GPNMB: variants seen among roughly 807,000 people sequenced by gnomAD.
The protein encoded by GPNMB is glycoprotein nmb.
In GPNMB, 71 loss-of-function variants were observed where a neutral mutation model predicts 57.3. The observed-to-expected ratio is 1.24, with a 90% CI of 1.02 to 1.51. GPNMB has a LOEUF of 1.51. GPNMB is among the 40% of genes most tolerant of loss of function. GPNMB has a pLI of 0.00. For synonymous variants in GPNMB, 253 were observed against 263.2 expected (o/e 0.96, Z 0.38); for missense variants, 677 against 691.9 (o/e 0.98, Z 0.24).
chr7:23,266,897 T>C (rs951686942), intron 7 of GPNMB, among the ~76,000 whole-genome samples: 1 of 152,158 alleles, frequency 6.6e-6, no homozygotes, highest in East Asian at 1.9e-4. Context: ...AGCCCAGCCA[T>C]CTGAATGGGG....
At chr7:23,269,689 G>A (rs889721575) in intron 8 of GPNMB, among the ~76,000 whole-genome samples, 1 of 152,138 alleles carries the variant, frequency 6.6e-6, no homozygotes, top group African/African-American at 2.4e-5. Flanking sequence ...GCTTCACGTG[G>A]TTTCCATCAG....
chr7:23,260,517 C>T lies in GPNMB; in HGVS notation c.762C>T (p.Thr254=), dbSNP rs544716394. The change falls in exon 6 of 11, where the codon ACC becomes ACT. Residue 254 remains threonine (T), a synonymous_variant. Transcript: ENST00000258733. Reference sequence around the variant, plus strand: ...ACGATCGAAATTCATCCGACGAAACCTTCCTCAAAGATCTCCCCATTATGT... The same window carrying T: ...ACGATCGAAATTCATCCGACGAAACTTTCCTCAAAGATCTCCCCATTATGT... ...QKNDRNSSDE[T]FLKDLPIMFD... is the part of the protein sequence containing the mutation. 4.3e-6 allele frequency: 7 copies of T among 1,613,808 alleles called. 1 individual carries two copies. Among genetic ancestry groups the T allele is most frequent in the Admixed American group, 3.3e-5 (2 of 60,004 alleles).
intron 7 of GPNMB, among the ~76,000 whole-genome samples, chr7:23,267,215 T>G (rs2128484531): frequency 6.6e-6 from 1 of 152,302 alleles, no homozygotes; most frequent in South Asian, 2.1e-4. Context: ...AGGATTACCT[T>G]TTCCTGAAAC....
At chr7:23,255,827 T>A (rs540861885) in intron 3 of GPNMB, among the ~76,000 whole-genome samples, 2 of 152,338 alleles carry the variant, frequency 1.3e-5, no homozygotes, top group Non-Finnish European at 2.9e-5. Context: ...TTTATGGTGA[T>A]CAAATCAGGG....
At chr7:23,249,478 T>C (rs1216855654) in intron 1 of GPNMB, among the ~76,000 whole-genome samples, 1 of 152,230 alleles carries the variant, frequency 6.6e-6, no homozygotes, top group Non-Finnish European at 1.5e-5. Flanking sequence ...ACCCAGTCCC[T>C]GGCAACCACT....
At chr7:23,264,305 T>C (rs1311721858) in intron 6 of GPNMB, among the ~76,000 whole-genome samples, 1 of 152,174 alleles carries the variant, frequency 6.6e-6, no homozygotes, top group Non-Finnish European at 1.5e-5. Context: ...TTCTCTCCAT[T>C]AGCCCTTGAA....
Position 23,253,436 on chromosome 7 carries a change from T to A in GPNMB, c.200T>A (p.Met67Lys). Residue 67 changes from methionine to lysine, a missense_variant, in exon 2 of 11, where the codon ATG (methionine) becomes AAG (lysine). Met to Lys is a moderately conservative substitution (Grantham distance 95). Coordinates refer to ENST00000258733, the MANE Select transcript of GPNMB (RefSeq NM_002510.3). The stretch of plus-strand genomic sequence containing the variant: ...TACCCAGTGTGGAAGCGGGGAGACA[T>A]GAGGTGGAAAAACTCCTGGAAGGGT... ...KLYPVWKRGD[M>K]RWKNSWKGGR... 6.2e-7 allele frequency: 1 copy of A among 1,613,748 alleles called. No individual in the cohort carries two copies. Among genetic ancestry groups the A allele is most frequent in the South Asian group, 1.1e-5 (1 of 90,974 alleles).
chr7:23,270,423 T>C (rs1337778983), intron 9 of GPNMB, among the ~76,000 whole-genome samples: 2 of 152,106 alleles, frequency 1.3e-5, no homozygotes, highest in African/African-American at 4.8e-5. Context: ...AAATCAGCTG[T>C]GATCATGGAC....
At position 23,260,540 on chromosome 7, in the gene GPNMB, T is replaced by C; in HGVS notation, c.785T>C (p.Met262Thr). The C allele has an allele frequency of 6.2e-7, 1 of 1,613,686 alleles. No individual in the cohort carries two copies. Among genetic ancestry groups the C allele is most frequent in the Non-Finnish European group, 8.5e-7 (1 of 1,179,604 alleles). ...ACCTTCCTCAAAGATCTCCCCATTA[T>C]GTTTGATGTCCTGATTCATGATCCT... is the stretch of plus-strand genomic sequence containing the variant. ...DETFLKDLPI[M>T]FDVLIHDPSH... is the part of the protein sequence containing the mutation. Residue 262 changes from methionine to threonine, a missense_variant, in exon 6 of 11, where the codon ATG (methionine) becomes ACG (threonine). Physicochemically the swap from Met to Thr is moderately conservative, Grantham distance 81 (BLOSUM62 -1). Transcript: ENST00000258733.
Position 23,269,954 on chromosome 7 carries a change from T to TC in GPNMB, c.1221-9dup. On this transcript the variant is annotated splice_polypyrimidine_tract_variant and intron_variant, in intron 8 of 10. Coordinates refer to ENST00000258733, the MANE Select transcript of GPNMB (RefSeq NM_002510.3). ...TGTGCCCTGTGCGCCCTCGCCCACC[T>TC]CCCCTGTCGCAGCATTCCCACGGAG... 1 of 1,609,122 alleles carries TC rather than the reference T, an allele frequency of 6.2e-7. No individual in the cohort carries two copies. Among genetic ancestry groups the TC allele is most frequent in the South Asian group, 1.1e-5 (1 of 90,902 alleles).
chr7:23,258,745 G>C (rs1451611439), intron 4 of GPNMB, among the ~76,000 whole-genome samples: 1 of 152,204 alleles, frequency 6.6e-6, no homozygotes, highest in African/African-American at 2.4e-5. Flanking sequence ...TAACCCCTGA[G>C]AGACATCTCT....
intron 3 of GPNMB, among the ~76,000 whole-genome samples, chr7:23,255,755 T>A (rs184585952): frequency 1.3e-5 from 2 of 152,344 alleles, no homozygotes; most frequent in East Asian, 3.9e-4. Context: ...AATTTTTTTA[T>A]TGATACATGA....
At chr7:23,253,189 T>C (rs1881203) in intron 1 of GPNMB, 118 bp from the exon 2 acceptor site, 274,987 of 772,712 alleles carry the variant, frequency 0.36, 50,898 homozygotes, top group African/African-American at 0.41. Flanking sequence ...CTCTGTTTAC[T>C]TGATGCACTG....
At chr7:23,264,761 T>C (rs1783018566) in intron 6 of GPNMB, among the ~76,000 whole-genome samples, 2 of 152,232 alleles carry the variant, frequency 1.3e-5, no homozygotes, top group African/African-American at 4.8e-5. Context: ...ATAAGCTTTA[T>C]TTCATTTTTA....
rs1447040195 is a variant in GPNMB at position 23,254,182 on chromosome 7, G to A, written c.237G>A (p.Gln79=). The part of the protein sequence containing the change: ...WKNSWKGGRV[Q]AVLTSDSPAL... ...TTTATACCCTAGGAGGCCGTGTGCA[G>A]GCGGTCCTGACCAGTGACTCACCAG... The change falls in exon 3 of 11, where the codon CAG becomes CAA. Residue 79 remains glutamine (Q), a synonymous_variant. Transcript: ENST00000258733. 1 of 1,613,560 alleles carries A rather than the reference G, an allele frequency of 6.2e-7. No individual in the cohort carries two copies. Among genetic ancestry groups the A allele is most frequent in the Non-Finnish European group, 8.5e-7 (1 of 1,179,780 alleles).
chr7:23,255,128 C>T (rs1459789978), intron 3 of GPNMB, among the ~76,000 whole-genome samples: 3 of 152,174 alleles, frequency 2.0e-5, no homozygotes, highest in Non-Finnish European at 4.4e-5. Context: ...AAATGATTCT[C>T]CTGCCTCAGC....
At chr7:23,272,491 G>T (rs1783232725) in intron 9 of GPNMB, among the ~76,000 whole-genome samples, 1 of 151,470 alleles carries the variant, frequency 6.6e-6, no homozygotes, top group Admixed American at 6.6e-5. Flanking sequence ...GAGAAAAAGA[G>T]AGAGAGAAAG....
chr7:23,269,280 G>A (rs1041600578), intron 8 of GPNMB, among the ~76,000 whole-genome samples: 4 of 152,068 alleles, frequency 2.6e-5, no homozygotes, highest in Non-Finnish European at 5.9e-5. Flanking sequence ...CAGCTACTCG[G>A]GAGGCTGAAG....
At chr7:23,273,284 G>A (rs953112327) in intron 9 of GPNMB, 34 of 470,076 alleles carry the variant, frequency 7.2e-5, no homozygotes, top group African/African-American at 6.6e-4. Flanking sequence ...TCTCCAGGAC[G>A]TGACATCTCT....
Sources: allele counts gnomAD v4.1 joint callset (sites outside exome capture counted in the v4.1 genomes callset), GRCh38; gene constraint gnomAD v4.1.1; transcripts MANE v1.5; gene names NCBI Gene and HGNC (gene_info 2026-07-23, HGNC 2026-07-21).